Variants in EBI3 observed in about 807,000 individuals in gnomAD.
EBI3 encodes interleukin-27 subunit beta.
A neutral mutation model predicts 21.3 loss-of-function variants in EBI3; 19 were observed. That is an observed-to-expected ratio of 0.89 (90% CI 0.62 to 1.31). The LOEUF (loss-of-function observed/expected upper bound fraction) is 1.31, where lower values mean the gene tolerates loss of function less well. Among genes scored for constraint, EBI3 ranks in the 50% most tolerant of loss-of-function variants. The pLI is 0.00. For missense variants in EBI3, 331 were observed against 314.0 expected (o/e 1.05, Z -0.41); for synonymous variants, 154 against 131.2 (o/e 1.17, Z -1.19).
intron 2 of EBI3, among the ~76,000 whole-genome samples, chr19:4,232,610 A>C (rs1226782861): frequency 1.3e-5 from 2 of 150,742 alleles, no homozygotes; most frequent in African/African-American, 2.4e-5. Context: ...TGTAGTCCCA[A>C]CCGCTCTGGA....
rs1202206078 is a variant in EBI3 at position 4,229,535 on chromosome 19, A to G, written c.-16A>G. 1.9e-6 allele frequency: 3 copies of G among 1,606,610 alleles called. No homozygotes were observed. Among genetic ancestry groups the G allele is most frequent in the East Asian group, 2.2e-5 (1 of 44,524 alleles). On this transcript the variant is annotated 5_prime_UTR_variant, in exon 1 of 5. Coordinates refer to ENST00000221847, the MANE Select transcript of EBI3 (RefSeq NM_005755.3). ...GACGTTCCCACCCACTCCTGAGAGC[A>G]GAGCTGGCCGCAGCCATGACCCCGC...
rs576067994 is a variant in EBI3, at chr19:4,237,112, A to G, written c.*24A>G. On this transcript the variant is annotated 3_prime_UTR_variant, in exon 5 of 5. Coordinates refer to ENST00000221847, the MANE Select transcript of EBI3 (RefSeq NM_005755.3). ...AGCAAGGGCTTCCCGCTGCCTCCAG[A>G]CAGCACCTGGGTCCTCGCCACCCTA... 4.1e-6 allele frequency: 6 copies of G among 1,478,256 alleles called. No homozygotes were observed. Among genetic ancestry groups the G allele is most frequent in the African/African-American group, 1.4e-5 (1 of 69,424 alleles). The allele number at this position is 1,478,256 out of a possible 1,614,324, so 91.6% of individuals were successfully genotyped here. A position where few individuals can be genotyped will look rare whatever the true frequency, so the allele number is the denominator to read the frequency against.
Position 4,234,719 on chromosome 19 carries a change from G to A in EBI3, c.432G>A (p.Gln144=), listed in dbSNP as rs1258528416. ...GCCTAAGCCCCCTCGCTGAGCGCCA[G>A]CTACAGGTGCAGTGGGAGCCTCCCG... is the stretch of plus-strand genomic sequence containing the variant. ...GVRLSPLAER[Q]LQVQWEPPGS... The change falls in exon 4 of 5, where the codon CAG becomes CAA. Residue 144 remains glutamine, a synonymous_variant. Coordinates refer to ENST00000221847, the MANE Select transcript of EBI3 (RefSeq NM_005755.3). 4 of 1,614,166 alleles carry A rather than the reference G, an allele frequency of 2.5e-6. No homozygotes were observed. Among genetic ancestry groups the A allele is most frequent in the East Asian group, 2.2e-5 (1 of 44,888 alleles).
At chr19:4,233,767 T>C (rs1281473900) in intron 3 of EBI3, among the ~76,000 whole-genome samples, 1 of 152,230 alleles carries the variant, frequency 6.6e-6, no homozygotes, top group African/African-American at 2.4e-5. Context: ...GGAATAGTTC[T>C]GCCCCAGGGC....
rs576173840 is a variant in EBI3, at chr19:4,232,986, C to T, written c.201-143C>T. On this transcript the variant is annotated intron_variant, in intron 2 of 4. Transcript: ENST00000221847. The stretch of plus-strand genomic sequence containing the variant: ...TGCCCCCGGGGGGTGGCACGGCCAC[C>T]ACCAGGACCCCACCCCGGGATCCCC... 2.5e-4 allele frequency: 246 copies of T among 990,152 alleles called. 5 individuals carry two copies. The South Asian group carries it at 4.7e-3, about 19-fold the overall frequency. The allele number at this position is 990,152 out of a possible 1,614,324, so 61.3% of individuals were successfully genotyped here.
At chr19:4,232,549 C>A (rs867985090) in intron 2 of EBI3, among the ~76,000 whole-genome samples, 35 of 150,946 alleles carry the variant, frequency 2.3e-4, no homozygotes, top group Middle Eastern at 3.5e-3. Context: ...GAGACCCCCC[C>A]CCATCTGTAG....
rs368040415 is a variant in EBI3 at position 4,231,245 on chromosome 19, C to T, written c.122C>T (p.Pro41Leu). ...PRVQCRASRY[P>L]IAVDCSWTLP... The stretch of plus-strand genomic sequence containing the variant: ...GTGCAATGCCGAGCCTCTCGGTACC[C>T]GATCGCCGTGGATTGCTCCTGGACC... Residue 41 changes from proline to leucine, a missense_variant, in exon 2 of 5, where the codon CCG (proline) becomes CTG (leucine). Transcript: ENST00000221847. 2 of 1,612,570 alleles carry T rather than the reference C, an allele frequency of 1.2e-6. No homozygotes were observed. The highest frequency in any genetic ancestry group is 1.7e-6 in the Non-Finnish European group (2 of 1,179,556).
At chr19:4,231,886 G>A (rs1970786664) in intron 2 of EBI3, among the ~76,000 whole-genome samples, 1 of 151,914 alleles carries the variant, frequency 6.6e-6, no homozygotes, top group African/African-American at 2.4e-5. Context: ...TTTGAGTCCA[G>A]CTTGGGCAAA....
rs886432617 is a variant in EBI3 at position 4,236,803 on chromosome 19, C to G, written c.538-133C>G. On this transcript the variant is annotated intron_variant, in intron 4 of 4. Coordinates refer to ENST00000221847, the MANE Select transcript of EBI3 (RefSeq NM_005755.3). ...TGATGCTATTTGGGGTGGGGCCGCA[C>G]AGCTGGGGCCAGAGTCCTGGACTGG... The G allele has an allele frequency of 3.6e-6, 4 of 1,101,974 alleles. No individual in the cohort carries two copies. In the East Asian group the frequency reaches 1.2e-4, roughly 32 times the overall value. The allele number at this position is 1,101,974 out of a possible 1,614,324, so 68.3% of individuals were successfully genotyped here. A position where few individuals can be genotyped will look rare whatever the true frequency, so the allele number is the denominator to read the frequency against.
chr19:4,230,393 C>T (rs926633236), intron 1 of EBI3, among the ~76,000 whole-genome samples: 5 of 151,308 alleles, frequency 3.3e-5, no homozygotes, highest in Non-Finnish European at 7.4e-5. Flanking sequence ...TGAAACCGGA[C>T]CCCACCAATC....
intron 2 of EBI3, among the ~76,000 whole-genome samples, chr19:4,231,564 G>A (rs1970783243): frequency 6.6e-6 from 1 of 151,602 alleles, no homozygotes; most frequent in South Asian, 2.1e-4. Context: ...GAGGTCAGGA[G>A]TTTGAGACCA....
At position 4,234,745 on chromosome 19, in the gene EBI3, G is replaced by A. The variant is rs202169937; in HGVS notation, c.458G>A (p.Gly153Glu). Residue 153 changes from glycine to glutamate, a missense_variant, in exon 4 of 5, where the codon GGG becomes GAG. Coordinates refer to ENST00000221847, the MANE Select transcript of EBI3 (RefSeq NM_005755.3). ...RQLQVQWEPPGSWPFPEIFSL... is the reference protein window; with the variant it reads ...RQLQVQWEPPESWPFPEIFSL... ...CTACAGGTGCAGTGGGAGCCTCCCG[G>A]GTCCTGGCCCTTCCCAGAGATCTTC... The A allele has an allele frequency of 1.5e-5, 24 of 1,614,112 alleles. No homozygotes were observed. In the East Asian group the frequency reaches 5.1e-4, roughly 34 times the overall value.
chr19:4,232,807 T>G (rs1970800692), intron 2 of EBI3, among the ~76,000 whole-genome samples: 1 of 132,310 alleles, frequency 7.6e-6, no homozygotes. Flanking sequence ...AATTAATGAA[T>G]GAATGAACGG....
rs1338797213 is a variant in EBI3, at chr19:4,229,606, G to A, written c.56G>A (p.Ser19Asn). The A allele has an allele frequency of 1.9e-6, 3 of 1,608,924 alleles. No individual in the cohort carries two copies. The highest frequency in any genetic ancestry group is 2.5e-6 in the Non-Finnish European group (3 of 1,178,106). ...CTCTGGGCCAGCTGCCCGCCCTGCA[G>A]TGGAAGGAAAGGTATGTGGGGCCCC... The part of the protein sequence containing the change: ...LVLWASCPPC[S>N]GRKGPPAALT... The change falls in exon 1 of 5, where the codon AGT (serine) becomes AAT (asparagine). Residue 19 changes from serine (S) to asparagine (N), a missense_variant. Coordinates refer to ENST00000221847, the MANE Select transcript of EBI3 (RefSeq NM_005755.3).
chr19:4,231,331 A>G lies in EBI3; in HGVS notation c.200+8A>G. The stretch of plus-strand genomic sequence containing the variant: ...CTTCATTGCCACGTACAGGTCGGAG[A>G]GCCTGGAAGGGGGCCTCAGGGACAC... On this transcript the variant is annotated splice_region_variant and intron_variant, in intron 2 of 4. Coordinates refer to ENST00000221847, the MANE Select transcript of EBI3 (RefSeq NM_005755.3). 1 of 1,600,162 alleles carries G rather than the reference A, an allele frequency of 6.2e-7. No individual in the cohort carries two copies. Among genetic ancestry groups the G allele is most frequent in the Non-Finnish European group, 8.5e-7 (1 of 1,175,302 alleles).
chr19:4,231,703 G>A (rs1016377345), intron 2 of EBI3, among the ~76,000 whole-genome samples: 9 of 149,970 alleles, frequency 6.0e-5, no homozygotes, highest in African/African-American at 1.7e-4. Context: ...CCCAGGAGGC[G>A]GAGGTTGCAG....
Position 4,231,088 on chromosome 19 carries a change from A to G in EBI3, c.68-103A>G, listed in dbSNP as rs1219620059. The G allele has an allele frequency of 3.5e-6, 5 of 1,431,132 alleles. No homozygotes were observed. In the African/African-American group the frequency reaches 4.4e-5, roughly 13 times the overall value. The allele number at this position is 1,431,132 out of a possible 1,614,324, so 88.7% of individuals were successfully genotyped here. A position where few individuals can be genotyped will look rare whatever the true frequency, so the allele number is the denominator to read the frequency against. On this transcript the variant is annotated intron_variant, in intron 1 of 4. Coordinates refer to ENST00000221847, the MANE Select transcript of EBI3 (RefSeq NM_005755.3). ...CGAAAGCCTTTATTAGGCACCTACCATGTACCTGGTGCTGGCTGGCAACGT... is the reference window on the plus strand; with the variant it reads ...CGAAAGCCTTTATTAGGCACCTACCGTGTACCTGGTGCTGGCTGGCAACGT...
chr19:4,234,960 T>C (rs1970824332), intron 4 of EBI3, 136 bp downstream of exon 4: 1 of 1,300,906 alleles, frequency 7.7e-7, no homozygotes, highest in East Asian at 2.4e-5. Context: ...AGTCCAGCAA[T>C]CTGATTCCTA....
chr19:4,231,634 A>G (rs1243224717), intron 2 of EBI3, among the ~76,000 whole-genome samples: 1 of 151,400 alleles, frequency 6.6e-6, no homozygotes, highest in African/African-American at 2.4e-5. Flanking sequence ...GGTCAGGTGC[A>G]GTGGCTCATG....
Sources: allele counts gnomAD v4.1 joint callset (sites outside exome capture counted in the v4.1 genomes callset), GRCh38; gene constraint gnomAD v4.1.1; transcripts MANE v1.5; gene names NCBI Gene and HGNC (gene_info 2026-07-23, HGNC 2026-07-21).